The following VPS41 variants were observed in gnomAD, a reference collection of about 807,000 sequenced individuals.
VPS41 encodes the protein VPS41 subunit of HOPS complex.
VPS41 carries 85 observed loss-of-function variants against 130.9 expected under a neutral mutation model. The observed-to-expected ratio is 0.65, with a 90% confidence interval of 0.55 to 0.78. The LOEUF is 0.78. Ranked by LOEUF, VPS41 falls within the 30% of genes least tolerant of loss-of-function variation. VPS41 has a pLI of 0.00. For missense variants in VPS41, 874 were observed against 1,018.7 expected (o/e 0.86, Z 1.93); for synonymous variants, 335 against 332.9 (o/e 1.01, Z -0.07).
rs181323171 is a variant in VPS41, at chr7:38,856,653, G to A, written c.246+5892C>T. Among the ~76,000 whole-genome samples, 136 of 152,198 alleles carry A rather than the reference G, an allele frequency of 8.9e-4. 1 individual carries two copies. The highest frequency in any genetic ancestry group is 3.1e-3 in the African/African-American group (130 of 41,508). On this transcript the variant is annotated intron_variant, in intron 4 of 28. Coordinates refer to ENST00000310301, the MANE Select transcript of VPS41 (RefSeq NM_014396.4). ...GGAGAGAAGTATACCAGGAGACATG[G>A]CAACTATCCTCCAAGACGTTAAATA...
intron 7 of VPS41, among the ~76,000 whole-genome samples, chr7:38,805,041 ATTAAACTT>A (rs1313806941): frequency 3.3e-5 from 5 of 152,258 alleles, no homozygotes; most frequent in Non-Finnish European, 7.3e-5. Context: ...CCACTGGGTG[ATTAAACTT>A]GAATTAATGT....
rs185761955 is a variant in VPS41, at chr7:38,804,945, T to C, written c.451-8081A>G. Reference sequence around the variant, plus strand: ...CAAACACGTTGAGTCTGTTTTTCAGTTTGCAGCTATCTGAGGATACATTTT... The same window carrying C: ...CAAACACGTTGAGTCTGTTTTTCAGCTTGCAGCTATCTGAGGATACATTTT... On this transcript the variant is annotated intron_variant, in intron 7 of 28. Transcript: ENST00000310301. 5.7e-4 allele frequency among the ~76,000 whole-genome samples: 87 copies of C among 152,330 alleles called. 1 individual carries two copies. The highest frequency in any genetic ancestry group is 1.9e-3 in the African/African-American group (80 of 41,578).
At chr7:38,889,659 C>T (rs1786818295) in intron 2 of VPS41, among the ~76,000 whole-genome samples, 1 of 151,440 alleles carries the variant, frequency 6.6e-6, no homozygotes, top group Admixed American at 6.6e-5. Context: ...CACTTGCAAG[C>T]CTATCCTTAA....
At chr7:38,737,994 C>A (rs1250988506) in intron 25 of VPS41, among the ~76,000 whole-genome samples, 1 of 152,184 alleles carries the variant, frequency 6.6e-6, no homozygotes, top group Non-Finnish European at 1.5e-5. Flanking sequence ...AGCCCCTGCT[C>A]CCTTTTATTT....
intron 19 of VPS41, among the ~76,000 whole-genome samples, chr7:38,755,944 CTTGACTCAG>C (rs1395361453): frequency 2.0e-5 from 3 of 152,092 alleles, no homozygotes; most frequent in African/African-American, 7.2e-5. Flanking sequence ...TCCCTAAAGA[CTTGACTCAG>C]TATTTTAAAA....
intron 6 of VPS41, 55 bp downstream of exon 6, chr7:38,821,148 A>G (rs1021151927): frequency 4.5e-6 from 6 of 1,329,842 alleles, no homozygotes; most frequent in African/African-American, 2.9e-5. Context: ...ACTGTAATCC[A>G]TATTGCCTTA....
In VPS41 at chr7:38,884,608, G is replaced by T. The variant is rs918482930; in HGVS notation, c.60+13483C>A. 2.0e-5 allele frequency among the ~76,000 whole-genome samples: 3 copies of T among 152,142 alleles called. No individual in the cohort carries two copies. In the East Asian group the frequency reaches 5.8e-4, roughly 29 times the overall value. ...GACCTCAAGCAATCCTCCCACCTCG[G>T]CTTCCCAATGTGCTGTGATTACAAG... On this transcript the variant is annotated intron_variant, in intron 2 of 28. Transcript: ENST00000310301.
chr7:38,825,356 T>C (rs1366771679), intron 5 of VPS41, among the ~76,000 whole-genome samples: 1 of 152,234 alleles, frequency 6.6e-6, no homozygotes, highest in Non-Finnish European at 1.5e-5. Flanking sequence ...TTCAATGTTT[T>C]GGTTCATTTC....
chr7:38,892,089 C>T (rs565594103), intron 2 of VPS41, among the ~76,000 whole-genome samples: 65 of 151,980 alleles, frequency 4.3e-4, no homozygotes, highest in African/African-American at 1.5e-3. Context: ...TATTTTCCTA[C>T]AAGTTGAACA....
At chr7:38,843,886 A>G (rs1199748760) in intron 4 of VPS41, among the ~76,000 whole-genome samples, 1 of 152,166 alleles carries the variant, frequency 6.6e-6, no homozygotes, top group East Asian at 1.9e-4. Context: ...AAAAAGTGGC[A>G]TGGCCGGGTT....
chr7:38,756,040 A>G (rs184216834), intron 19 of VPS41, among the ~76,000 whole-genome samples: 4 of 152,342 alleles, frequency 2.6e-5, no homozygotes, highest in African/African-American at 9.6e-5. Flanking sequence ...GGAGATTAAT[A>G]TAGCACACAA....
chr7:38,886,887 A>G (rs1284888939), intron 2 of VPS41, among the ~76,000 whole-genome samples: 1 of 152,216 alleles, frequency 6.6e-6, no homozygotes, highest in Non-Finnish European at 1.5e-5. Flanking sequence ...GGCAAACAGC[A>G]TCTGGAATGG....
At position 38,824,136 on chromosome 7, in the gene VPS41, C is replaced by G. The variant is rs896636669; in HGVS notation, c.322-2871G>C. Among the ~76,000 whole-genome samples the G allele has an allele frequency of 1.2e-4, 19 of 152,280 alleles. No homozygotes were observed. In the East Asian group the frequency reaches 3.7e-3, roughly 29 times the overall value. On this transcript the variant is annotated intron_variant, in intron 5 of 28. Transcript: ENST00000310301. ...TATGAATACCTGCTCAACTAGCAAG[C>G]TGAACTTCTCCTAACTTAATCTATT...
intron 4 of VPS41, among the ~76,000 whole-genome samples, chr7:38,834,669 C>T (rs1479325108): frequency 6.6e-6 from 1 of 152,078 alleles, no homozygotes; most frequent in African/African-American, 2.4e-5. Flanking sequence ...TGTAAAGTTA[C>T]ATTTCACAAA....
In VPS41 at chr7:38,783,741, A is replaced by T. The variant is rs545013804; in HGVS notation, c.784+6060T>A. ...AGAAAACAACCTCTTCGTTTCATTT[A>T]AAAAAAAAACTGTTTAAAACCCTAA... On this transcript the variant is annotated intron_variant, in intron 10 of 28. Transcript: ENST00000310301. Among the ~76,000 whole-genome samples, 20 of 149,086 alleles carry T rather than the reference A, an allele frequency of 1.3e-4. 1 individual carries two copies. Among genetic ancestry groups the T allele is most frequent in the Admixed American group, 1.0e-3 (15 of 14,918 alleles).
chr7:38,897,526 T>A (rs1394584993), intron 2 of VPS41, among the ~76,000 whole-genome samples: 1 of 151,608 alleles, frequency 6.6e-6, no homozygotes, highest in Non-Finnish European at 1.5e-5. Flanking sequence ...GCGCCTGTAG[T>A]CCCAGTTACT....
At chr7:38,798,515 A>G (rs1784664082) in intron 7 of VPS41, among the ~76,000 whole-genome samples, 1 of 151,876 alleles carries the variant, frequency 6.6e-6, no homozygotes, top group South Asian at 2.1e-4. Flanking sequence ...CTGGTCTCGA[A>G]CTCCTGACCT....
At chr7:38,908,978 T>A (rs1328637158) in intron 1 of VPS41, among the ~76,000 whole-genome samples, 176 bp downstream of exon 1, 3 of 152,160 alleles carry the variant, frequency 2.0e-5, no homozygotes, top group African/African-American at 4.8e-5. Flanking sequence ...CTCCCGGGGC[T>A]GGCATCCTCT....
chr7:38,735,479 G>A (rs962991000), intron 25 of VPS41, among the ~76,000 whole-genome samples: 1 of 148,310 alleles, frequency 6.7e-6, no homozygotes, highest in African/African-American at 2.6e-5. Flanking sequence ...TGAGGTATGT[G>A]TGTGTACATG....
Sources: gnomAD v4.1 joint callset for allele counts (sites outside exome capture counted in the v4.1 genomes callset) on GRCh38, gnomAD v4.1.1 for gene constraint, MANE v1.5 for transcripts, NCBI Gene and HGNC (gene_info 2026-07-23, HGNC 2026-07-21) for gene names.